Variants in BANK1 observed in about 807,000 individuals in gnomAD.
The protein encoded by BANK1 is B cell scaffold protein with ankyrin repeats 1.
BANK1 carries 95 observed loss-of-function variants against 94.5 expected under a neutral mutation model. The ratio of observed to expected loss-of-function variants is 1.00; its 90% confidence interval spans 0.85 to 1.19. BANK1 has a LOEUF of 1.19. BANK1 is among the 50% of genes most tolerant of loss of function. The pLI is 0.00. For missense variants in BANK1, 987 were observed against 932.2 expected, an observed-to-expected ratio of 1.06 and a Z score of -0.77; for synonymous variants, 334 against 308.4, an observed-to-expected ratio of 1.08 and a Z score of -0.87.
chr4:101,994,282 C>T lies in BANK1; in HGVS notation c.1207-27232C>T, dbSNP rs140372932. ...GTGTACAGTATTTAGAGCCCAGGAG[C>T]TATTATGATGGATGCTACAGAAATG... is the stretch of plus-strand genomic sequence containing the variant. On this transcript the variant is annotated intron_variant, in intron 7 of 16. Coordinates refer to ENST00000322953, the MANE Select transcript of BANK1 (RefSeq NM_017935.5). 7.2e-5 allele frequency among the ~76,000 whole-genome samples: 11 copies of T among 152,246 alleles called. No homozygotes were observed. The South Asian group carries it at 1.9e-3, about 26-fold the overall frequency.
At chr4:101,857,987 G>C (rs904594011) in intron 3 of BANK1, among the ~76,000 whole-genome samples, 1 of 152,036 alleles carries the variant, frequency 6.6e-6, no homozygotes, top group Non-Finnish European at 1.5e-5. Context: ...GTGAGTTCTA[G>C]GTCTCCCAAA....
intron 7 of BANK1, among the ~76,000 whole-genome samples, chr4:102,007,606 C>A (rs539017651): frequency 1.6e-4 from 24 of 152,124 alleles, no homozygotes; most frequent in Admixed American, 5.9e-4. Flanking sequence ...TGGAATTTTG[C>A]TTTTCCCTTT....
chr4:101,965,972 G>A (rs1235055864), intron 7 of BANK1, among the ~76,000 whole-genome samples: 3 of 152,068 alleles, frequency 2.0e-5, no homozygotes, highest in Non-Finnish European at 4.4e-5. Flanking sequence ...GTGGCTTGCT[G>A]CTTAACCAAA....
chr4:101,913,175 A>G (rs1722721033), intron 6 of BANK1, among the ~76,000 whole-genome samples: 1 of 152,208 alleles, frequency 6.6e-6, no homozygotes. Flanking sequence ...GTCAAGACAC[A>G]GCAGAGACAA....
chr4:101,887,865 A>G (rs1728912346), intron 5 of BANK1, among the ~76,000 whole-genome samples: 1 of 152,188 alleles, frequency 6.6e-6, no homozygotes, highest in Admixed American at 6.5e-5. Context: ...AGATTTATAC[A>G]TTTACATTAT....
intron 7 of BANK1, among the ~76,000 whole-genome samples, chr4:101,971,543 G>A (rs999398872): frequency 6.6e-6 from 1 of 152,050 alleles, no homozygotes; most frequent in African/African-American, 2.4e-5. Context: ...TATGTTGCCT[G>A]TGTTTTGGGG....
rs192793442 is a variant in BANK1 at position 102,063,085 on chromosome 4, G to A, written c.2159G>A (p.Arg720Gln). Residue 720 changes from arginine (R) to glutamine (Q), a missense_variant, in exon 13 of 17, where the codon CGA (arginine) becomes CAA (glutamine). Physicochemically the swap from Arg to Gln is conservative, Grantham distance 43 (BLOSUM62 1). Transcript: ENST00000322953. ...GLEMIQQEKL[R>Q]QLRDCIIGKR... is the part of the protein sequence containing the mutation. ...TGTTTCCACATTAAGGAGAAATTAC[G>A]ACAACTACGAGACTGCATTATTGGG... The A allele has an allele frequency of 2.2e-4, 362 of 1,613,208 alleles. No individual in the cohort carries two copies. Among genetic ancestry groups the A allele is most frequent in the Non-Finnish European group, 2.8e-4 (332 of 1,179,468 alleles).
chr4:101,888,730 ATATAGAGCCTGGCACATTAGCAGTG>A (rs1679070034), intron 5 of BANK1, among the ~76,000 whole-genome samples: 1 of 152,254 alleles, frequency 6.6e-6, no homozygotes, highest in Admixed American at 6.5e-5. Context: ...GAGATAGCTT[ATATAGAGCCTGGCACATTAGCAGTG>A]CTCCGCATGT....
intron 2 of BANK1, among the ~76,000 whole-genome samples, chr4:101,846,436 A>G (rs1376161285): frequency 2.0e-5 from 3 of 152,344 alleles, no homozygotes; most frequent in African/African-American, 7.2e-5. Flanking sequence ...GGGAAACAGT[A>G]TAGGGTAGTG....
intron 2 of BANK1, among the ~76,000 whole-genome samples, chr4:101,845,203 A>G (rs1299686321): frequency 7.2e-5 from 11 of 152,130 alleles, no homozygotes. Flanking sequence ...AATAGCTCAC[A>G]TACCCCATAA....
chr4:101,925,084 TC>T (rs1375145876), intron 7 of BANK1, among the ~76,000 whole-genome samples: 14 of 122,760 alleles, frequency 1.1e-4, no homozygotes, highest in Middle Eastern at 3.9e-3. Flanking sequence ...CATCTTATTT[TC>T]CCAGGCAGAA....
chr4:101,913,261 A>C (rs1423803656), intron 6 of BANK1, among the ~76,000 whole-genome samples: 1 of 152,178 alleles, frequency 6.6e-6, no homozygotes, highest in African/African-American at 2.4e-5. Flanking sequence ...TATAGAAATA[A>C]AATTTCTAGA....
intron 7 of BANK1, among the ~76,000 whole-genome samples, chr4:101,994,521 A>T (rs144207676): frequency 6.6e-6 from 1 of 152,114 alleles, no homozygotes; most frequent in Non-Finnish European, 1.5e-5. Flanking sequence ...AAAAAATATA[A>T]TTGCATCATG....
At chr4:101,807,958 AC>A (rs1725615579) in intron 1 of BANK1, among the ~76,000 whole-genome samples, 1 of 151,686 alleles carries the variant, frequency 6.6e-6, no homozygotes, top group Non-Finnish European at 1.5e-5. Context: ...GGTGGCGCAC[AC>A]CTGTAGTCCC....
intron 4 of BANK1, among the ~76,000 whole-genome samples, chr4:101,868,242 A>G (rs549238816): frequency 1.3e-5 from 2 of 152,150 alleles, no homozygotes; most frequent in East Asian, 3.9e-4. Context: ...GAAATATTCA[A>G]ATATTAATGA....
At chr4:101,925,540 A>G (rs558560248) in intron 7 of BANK1, among the ~76,000 whole-genome samples, 11 of 151,770 alleles carry the variant, frequency 7.2e-5, no homozygotes, top group Non-Finnish European at 1.2e-4. Flanking sequence ...TTCTTTTCCA[A>G]TAGAGATCCT....
intron 7 of BANK1, among the ~76,000 whole-genome samples, chr4:101,956,818 A>G (rs1724363160): frequency 6.6e-6 from 1 of 152,206 alleles, no homozygotes; most frequent in Non-Finnish European, 1.5e-5. Flanking sequence ...TAGGCATAGA[A>G]TTATATAGAA....
chr4:101,853,262 G>T (rs773623288), intron 2 of BANK1, among the ~76,000 whole-genome samples: 1 of 152,156 alleles, frequency 6.6e-6, no homozygotes, highest in Non-Finnish European at 1.5e-5. Flanking sequence ...CAGAAACAGC[G>T]TGGAGACAGC....
At chr4:101,997,042 T>G (rs1725902527) in intron 7 of BANK1, among the ~76,000 whole-genome samples, 2 of 152,324 alleles carry the variant, frequency 1.3e-5, no homozygotes, top group South Asian at 2.1e-4. Flanking sequence ...CTTTTGCCCA[T>G]TCAGTATGAA....
Sources: allele counts gnomAD v4.1 joint callset (sites outside exome capture counted in the v4.1 genomes callset), GRCh38; gene constraint gnomAD v4.1.1; transcripts MANE v1.5; gene names NCBI Gene and HGNC (gene_info 2026-07-23, HGNC 2026-07-21).